The following GSK3B variants were observed in gnomAD, a reference collection of about 807,000 sequenced individuals.
GSK3B encodes the protein glycogen synthase kinase 3 beta.
In GSK3B, 15 loss-of-function variants were observed where a neutral mutation model predicts 56.4. That is an observed-to-expected ratio of 0.27 (90% CI 0.18 to 0.41). GSK3B has a LOEUF of 0.41. Ranked by LOEUF, GSK3B falls within the 10% of genes least tolerant of loss-of-function variation. The probability of loss-of-function intolerance (pLI) is 1.00; values close to 1 mark genes in which losing one functional copy is unlikely to be tolerated. For synonymous variants in GSK3B, 181 were observed against 188.9 expected (o/e 0.96, Z 0.34); for missense variants, 300 against 513.4 (o/e 0.58, Z 4.02).
chr3:119,844,829 G>A (rs2055833606), intron 9 of GSK3B, among the ~76,000 whole-genome samples: 1 of 152,164 alleles, frequency 6.6e-6, no homozygotes, highest in African/African-American at 2.4e-5. Context: ...GCATCATCCT[G>A]ATAGCAAAAC....
intron 1 of GSK3B, among the ~76,000 whole-genome samples, chr3:120,063,936 G>A (rs971478290): frequency 6.6e-6 from 1 of 151,862 alleles, no homozygotes; most frequent in African/African-American, 2.4e-5. Flanking sequence ...ACAGTGAGCC[G>A]ATATTGTGCC....
intron 2 of GSK3B, among the ~76,000 whole-genome samples, chr3:119,961,664 G>T (rs761364964): frequency 1.4e-5 from 2 of 147,242 alleles, no homozygotes; most frequent in Non-Finnish European, 3.0e-5. Flanking sequence ...AAAAGCACTT[G>T]ACAAAATTCA....
intron 1 of GSK3B, among the ~76,000 whole-genome samples, chr3:120,077,031 G>A (rs937154842): frequency 5.9e-5 from 9 of 152,092 alleles, no homozygotes; most frequent in Admixed American, 1.3e-4. Context: ...TTAAGTGTTG[G>A]TAGAGGTGTA....
chr3:119,969,014 G>A (rs905854949), intron 2 of GSK3B, among the ~76,000 whole-genome samples: 1 of 152,106 alleles, frequency 6.6e-6, no homozygotes, highest in African/African-American at 2.4e-5. Flanking sequence ...TCATGAGGCC[G>A]GGAGTGATGG....
At chr3:119,969,587 G>C (rs918855593) in intron 2 of GSK3B, among the ~76,000 whole-genome samples, 6 of 152,160 alleles carry the variant, frequency 3.9e-5, no homozygotes, top group African/African-American at 1.4e-4. Context: ...CTGACTTCAA[G>C]GCTTTCTATA....
intron 7 of GSK3B, among the ~76,000 whole-genome samples, chr3:119,880,646 G>GT (rs2056369539): frequency 6.6e-6 from 1 of 152,174 alleles, no homozygotes; most frequent in South Asian, 2.1e-4. Flanking sequence ...CTTTAACTGT[G>GT]TATAAGGTAA....
rs544414785 is a variant in GSK3B, at chr3:120,094,007, G to C, written c.-573C>G. ...CTGACGGCAGGGGCCCGGCGAACTA[G>C]AGGGCGGCGGAGTCGCGAGTCAGTC... is the stretch of plus-strand genomic sequence containing the variant. On this transcript the variant is annotated 5_prime_UTR_variant, in exon 1 of 11. Coordinates refer to ENST00000264235, the MANE Select transcript of GSK3B (RefSeq NM_001146156.2). 5 of 218,026 alleles carry C rather than the reference G, an allele frequency of 2.3e-5. No homozygotes were observed. Among genetic ancestry groups the C allele is most frequent in the East Asian group, 1.4e-4 (2 of 14,734 alleles). 13.5% of individuals were successfully genotyped at this position (218,026 alleles called of 1,614,324 possible).
chr3:120,061,188 G>C (rs963924711), intron 1 of GSK3B, among the ~76,000 whole-genome samples: 2 of 152,188 alleles, frequency 1.3e-5, no homozygotes, highest in Admixed American at 6.5e-5. Flanking sequence ...GGAATTTACT[G>C]TTTATAGGCA....
intron 7 of GSK3B, among the ~76,000 whole-genome samples, chr3:119,882,021 A>G (rs904543731): frequency 2.0e-5 from 3 of 152,196 alleles, no homozygotes; most frequent in East Asian, 1.9e-4. Context: ...CTGTAAGTCA[A>G]TTAAACCTCT....
chr3:119,940,699 C>A (rs1379404661), intron 3 of GSK3B, among the ~76,000 whole-genome samples: 1 of 152,056 alleles, frequency 6.6e-6, no homozygotes, highest in Non-Finnish European at 1.5e-5. Flanking sequence ...TCTGTTTTAT[C>A]TTTTGGGGGT....
intron 9 of GSK3B, among the ~76,000 whole-genome samples, chr3:119,862,795 A>T (rs1249188076): frequency 6.6e-6 from 1 of 151,962 alleles, no homozygotes; most frequent in Admixed American, 6.6e-5. Context: ...GAGAAAAGAA[A>T]ACTGAACACA....
At chr3:119,897,050 T>C (rs2056575546) in intron 7 of GSK3B, among the ~76,000 whole-genome samples, 1 of 152,182 alleles carries the variant, frequency 6.6e-6, no homozygotes. Context: ...GTCATGAAAC[T>C]TCAGTTTGTC....
At chr3:120,009,632 T>C (rs1051997800) in intron 1 of GSK3B, among the ~76,000 whole-genome samples, 2 of 151,282 alleles carry the variant, frequency 1.3e-5, no homozygotes, top group East Asian at 1.9e-4. Flanking sequence ...TAAGTGGGAG[T>C]TGAACAATGA....
intron 1 of GSK3B, among the ~76,000 whole-genome samples, chr3:120,089,976 T>C (rs2058497118): frequency 6.6e-6 from 1 of 152,116 alleles, no homozygotes; most frequent in African/African-American, 2.4e-5. Flanking sequence ...AAAATCAACT[T>C]TTAATTTCTT....
intron 8 of GSK3B, among the ~76,000 whole-genome samples, chr3:119,869,833 T>C (rs900439743): frequency 6.6e-5 from 10 of 152,248 alleles, no homozygotes; most frequent in Admixed American, 2.0e-4. Flanking sequence ...TGACTGGCTG[T>C]ATATATGTAG....
intron 2 of GSK3B, among the ~76,000 whole-genome samples, chr3:119,988,030 C>A (rs139795537): frequency 2.7e-4 from 41 of 152,156 alleles, no homozygotes; most frequent in Admixed American, 1.8e-3. Flanking sequence ...ACAATTGTTG[C>A]CTTGTTTTGG....
intron 1 of GSK3B, among the ~76,000 whole-genome samples, chr3:120,053,944 G>A (rs761089790): frequency 3.3e-5 from 5 of 152,014 alleles, no homozygotes; most frequent in Admixed American, 2.6e-4. Context: ...ATCCAGTCTC[G>A]CGTATGTCTT....
At chr3:120,001,564 C>A (rs2057677396) in intron 2 of GSK3B, among the ~76,000 whole-genome samples, 1 of 152,110 alleles carries the variant, frequency 6.6e-6, no homozygotes, top group Non-Finnish European at 1.5e-5. Context: ...GCCAATTAAA[C>A]CTCTTTTCTT....
intron 1 of GSK3B, among the ~76,000 whole-genome samples, chr3:120,089,467 T>C (rs1401649049): frequency 6.6e-6 from 1 of 152,210 alleles, no homozygotes; most frequent in Non-Finnish European, 1.5e-5. Context: ...CATAAAGAGA[T>C]TAAACTTCCC....
Sources: allele counts gnomAD v4.1 joint callset (sites outside exome capture counted in the v4.1 genomes callset), GRCh38; gene constraint gnomAD v4.1.1; transcripts MANE v1.5; gene names NCBI Gene and HGNC (gene_info 2026-07-23, HGNC 2026-07-21).